Variants in STAM observed in about 807,000 individuals in gnomAD.
STAM encodes signal transducing adapter molecule 1.
In STAM, 16 loss-of-function variants were observed where a neutral mutation model predicts 63.4. The ratio of observed to expected loss-of-function variants is 0.25; its 90% CI spans 0.17 to 0.38. STAM has a LOEUF of 0.38. Among genes scored for constraint, STAM ranks in the 10% least tolerant of loss-of-function variants. The probability of loss-of-function intolerance (pLI) is 1.00; values close to 1 mark genes in which losing one functional copy is unlikely to be tolerated. For missense variants in STAM, 636 were observed against 657.1 expected (o/e 0.97, Z 0.35); for synonymous variants, 238 against 223.9 (o/e 1.06, Z -0.56).
At chr10:17,709,082 C>G (rs2131696877) in intron 13 of STAM, 131 bp downstream of exon 13, 2 of 1,073,512 alleles carry the variant, frequency 1.9e-6, no homozygotes, top group South Asian at 3.6e-5. Flanking sequence ...CCCATTTGTG[C>G]TAATGAGTGG....
chr10:17,668,076 G>T (rs1834470446), intron 2 of STAM, among the ~76,000 whole-genome samples: 1 of 152,218 alleles, frequency 6.6e-6, no homozygotes, highest in African/African-American at 2.4e-5. Context: ...TGTGATAGAA[G>T]TTGAAAAGCC....
At chr10:17,655,942 CGT>C (rs10581011) in intron 1 of STAM, among the ~76,000 whole-genome samples, 17,181 of 151,954 alleles carry the variant, frequency 0.11, 1,041 homozygotes, top group Middle Eastern at 0.16. Context: ...TTTCCTCCTA[CGT>C]GTGTATTCTT....
At position 17,708,899 on chromosome 10, in the gene STAM, C is replaced by A. The variant is rs1554829731; in HGVS notation, c.1333C>A (p.Pro445Thr). Reference sequence around the variant, plus strand: ...TTCTCTCAGCCAGGCAGTGGTCCCACCATCCGCAAACCCAGCCCTTCCTAG... The same window carrying A: ...TTCTCTCAGCCAGGCAGTGGTCCCAACATCCGCAAACCCAGCCCTTCCTAG... Reference protein sequence around the residue: ...LSSLSQAVVPPSANPALPSQQ... With the variant: ...LSSLSQAVVPTSANPALPSQQ... The change falls in exon 13 of 14, where the codon CCA becomes ACA. Residue 445 changes from proline to threonine, a missense_variant. By Grantham distance (38) the Pro-to-Thr change is conservative (BLOSUM62 -1). Coordinates refer to ENST00000377524, the MANE Select transcript of STAM (RefSeq NM_003473.4). 1.2e-6 allele frequency: 2 copies of A among 1,614,056 alleles called. No homozygotes were observed. Among genetic ancestry groups the A allele is most frequent in the African/African-American group, 1.3e-5 (1 of 74,920 alleles).
Position 17,696,845 on chromosome 10 carries a change from G to T in STAM, c.799G>T (p.Asp267Tyr), listed in dbSNP as rs17852767. 6.2e-7 allele frequency: 1 copy of T among 1,613,808 alleles called. No individual in the cohort carries two copies. The highest frequency in any genetic ancestry group is 8.5e-7 in the Non-Finnish European group (1 of 1,179,658). Reference protein sequence around the residue: ...GLFPSNFVTADLTAEPEMIKT... With the variant: ...GLFPSNFVTAYLTAEPEMIKT... ...ATTTCCTTCTAATTTTGTGACTGCAGATCTCACTGCTGAACCAGAAATGAG... is the reference window on the plus strand; with the variant it reads ...ATTTCCTTCTAATTTTGTGACTGCATATCTCACTGCTGAACCAGAAATGAG... The change falls in exon 8 of 14, where the codon GAT (aspartate) becomes TAT (tyrosine). Residue 267 changes from aspartate (D) to tyrosine (Y), a missense_variant. Around this residue, in one of 3 missense-constraint regions of STAM, gnomAD observed 532 missense variants for 536.9 expected, o/e 0.99. Transcript: ENST00000377524.
intron 4 of STAM, among the ~76,000 whole-genome samples, 173 bp from the exon 5 acceptor site, chr10:17,687,854 T>G (rs1242362403): frequency 6.6e-6 from 1 of 152,230 alleles, no homozygotes; most frequent in African/African-American, 2.4e-5. Context: ...TATGATGGGT[T>G]TTTTCATAGT....
intron 9 of STAM, among the ~76,000 whole-genome samples, chr10:17,703,218 T>G (rs1836095518): frequency 6.6e-6 from 1 of 152,030 alleles, no homozygotes; most frequent in Non-Finnish European, 1.5e-5. Context: ...TAGGCAAACT[T>G]TCTTGACATG....
intron 1 of STAM, among the ~76,000 whole-genome samples, chr10:17,651,441 A>C (rs1475248216): frequency 1.1e-4 from 16 of 152,244 alleles, no homozygotes; most frequent in African/African-American, 3.6e-4. Flanking sequence ...GTGTGCAATC[A>C]GTTACTGTTA....
intron 2 of STAM, among the ~76,000 whole-genome samples, chr10:17,665,343 T>C (rs1328347035): frequency 6.6e-6 from 1 of 152,200 alleles, no homozygotes; most frequent in Non-Finnish European, 1.5e-5. Flanking sequence ...GTTAAAACAA[T>C]TTAAAAAGAT....
chr10:17,698,538 T>G (rs1201450101), intron 8 of STAM, among the ~76,000 whole-genome samples: 6 of 151,892 alleles, frequency 4.0e-5, no homozygotes, highest in Non-Finnish European at 5.9e-5. Flanking sequence ...GCCTATGTAG[T>G]GGGGTTGTAG....
chr10:17,704,399 A>G, intron 9 of STAM, 32 bp from the exon 10 acceptor site: 2 of 1,579,498 alleles, frequency 1.3e-6, no homozygotes, highest in Non-Finnish European at 1.7e-6. Context: ...AAAGGTTGGT[A>G]GCTTTTTATA....
chr10:17,665,131 T>C (rs1227722067), intron 2 of STAM, among the ~76,000 whole-genome samples: 1 of 151,484 alleles, frequency 6.6e-6, no homozygotes, highest in African/African-American at 2.4e-5. Context: ...TAGTCAGAAC[T>C]GTGACCAGGA....
Position 17,700,140 on chromosome 10 carries a change from T to C in STAM, c.824-51T>C, listed in dbSNP as rs781901627. The stretch of plus-strand genomic sequence containing the variant: ...TCTTGGAAGTTAAAGTGCTTTAAAG[T>C]AGAATTTTAAATGTATTATTAAAAA... On this transcript the variant is annotated intron_variant, in intron 8 of 13. Transcript: ENST00000377524. 2.1e-6 allele frequency: 3 copies of C among 1,448,652 alleles called. No individual in the cohort carries two copies. The Admixed American group carries it at 5.9e-5, about 28-fold the overall frequency. 89.7% of individuals were successfully genotyped at this position (1,448,652 alleles called of 1,614,324 possible). A position where few individuals can be genotyped will look rare whatever the true frequency, so the allele number is the denominator to read the frequency against.
intron 4 of STAM, among the ~76,000 whole-genome samples, chr10:17,686,814 T>C (rs564143606): frequency 6.6e-6 from 1 of 152,256 alleles, no homozygotes; most frequent in South Asian, 2.1e-4. Context: ...AGAATTTTTT[T>C]TCTTCTAATA....
chr10:17,712,307 A>C (rs552479666), intron 13 of STAM, among the ~76,000 whole-genome samples: 2 of 152,240 alleles, frequency 1.3e-5, no homozygotes, highest in South Asian at 4.1e-4. Context: ...AGACATTCTG[A>C]CTCCAGAACC....
intron 2 of STAM, among the ~76,000 whole-genome samples, chr10:17,667,998 A>G (rs1834466300): frequency 6.6e-6 from 1 of 152,220 alleles, no homozygotes; most frequent in Non-Finnish European, 1.5e-5. Flanking sequence ...AATTAAAACT[A>G]TAGAGGGTTT....
At chr10:17,705,483 A>T in intron 11 of STAM, 105 bp from the exon 12 acceptor site, 1 of 1,271,258 alleles carries the variant, frequency 7.9e-7, no homozygotes. Flanking sequence ...AATAATGTCT[A>T]CTAGTACTAC....
chr10:17,669,699 TC>T (rs1157185402), intron 2 of STAM, among the ~76,000 whole-genome samples: 1 of 150,652 alleles, frequency 6.6e-6, no homozygotes, highest in Non-Finnish European at 1.5e-5. Flanking sequence ...TTTCTTTCTT[TC>T]TTTTTTTTTT....
At chr10:17,668,475 A>T (rs200495281) in intron 2 of STAM, among the ~76,000 whole-genome samples, 1 of 152,192 alleles carries the variant, frequency 6.6e-6, no homozygotes, top group East Asian at 1.9e-4. Context: ...ATTAAGGTAC[A>T]CTTTGTTTTG....
intron 1 of STAM, among the ~76,000 whole-genome samples, chr10:17,654,095 T>G (rs1833845552): frequency 6.6e-6 from 1 of 152,200 alleles, no homozygotes; most frequent in Non-Finnish European, 1.5e-5. Flanking sequence ...CTGTGAAGTC[T>G]TTGCTGACTG....
Sources: gnomAD v4.1 joint callset for allele counts (sites outside exome capture counted in the v4.1 genomes callset) on GRCh38, gnomAD v4.1.1 for gene constraint, gnomAD v4.1.1 regional missense constraint, MANE v1.5 for transcripts, NCBI Gene and HGNC (gene_info 2026-07-23, HGNC 2026-07-21) for gene names.